The following SNX9 variants were observed in gnomAD, a reference collection of about 807,000 sequenced individuals.
The protein encoded by SNX9 is sorting nexin 9.
SNX9 carries 44 observed loss-of-function variants against 89.4 expected under a neutral mutation model. The ratio of observed to expected loss-of-function variants is 0.49; its 90% CI spans 0.39 to 0.63. SNX9 has a LOEUF of 0.63. Ranked by LOEUF, SNX9 falls within the 30% of genes least tolerant of loss-of-function variation. The pLI, the probability that SNX9 is intolerant of heterozygous loss-of-function variation, is 0.00. For missense variants in SNX9, 578 were observed against 736.1 expected (o/e 0.79, Z 2.49); for synonymous variants, 236 against 247.8 (o/e 0.95, Z 0.45).
intron 10 of SNX9, among the ~76,000 whole-genome samples, chr6:157,926,540 T>C (rs1783694715): frequency 6.6e-6 from 1 of 152,088 alleles, no homozygotes; most frequent in African/African-American, 2.4e-5. Flanking sequence ...CCAGAACTTT[T>C]GGAGGCTGAG....
chr6:157,916,076 C>T (rs975629062), intron 9 of SNX9, among the ~76,000 whole-genome samples: 4 of 151,464 alleles, frequency 2.6e-5, no homozygotes, highest in African/African-American at 4.8e-5. Context: ...GCTCTGTCGC[C>T]CAGGCTGGAG....
chr6:157,896,754 C>CA, intron 4 of SNX9, 73 bp from the exon 5 acceptor site: 1 of 1,499,034 alleles, frequency 6.7e-7, no homozygotes. Context: ...TCAATTGTGT[C>CA]AGTTCATTAT....
At chr6:157,884,086 C>G (rs1050218606) in intron 4 of SNX9, among the ~76,000 whole-genome samples, 4 of 152,210 alleles carry the variant, frequency 2.6e-5, no homozygotes, top group African/African-American at 9.6e-5. Flanking sequence ...ACACCGACCA[C>G]AGGCCTAGGA....
chr6:157,858,826 C>G (rs535318317), intron 1 of SNX9, among the ~76,000 whole-genome samples: 1 of 152,264 alleles, frequency 6.6e-6, no homozygotes, highest in Non-Finnish European at 1.5e-5. Flanking sequence ...CTTTATAAAA[C>G]CATCAGATCT....
At chr6:157,864,422 G>A (rs1485372205) in intron 1 of SNX9, among the ~76,000 whole-genome samples, 1 of 152,172 alleles carries the variant, frequency 6.6e-6, no homozygotes, top group African/African-American at 2.4e-5. Flanking sequence ...TAATATTTAA[G>A]TGTGTGAGGC....
At chr6:157,831,188 G>A (rs1297389641) in intron 1 of SNX9, among the ~76,000 whole-genome samples, 1 of 152,142 alleles carries the variant, frequency 6.6e-6, no homozygotes, top group Non-Finnish European at 1.5e-5. Flanking sequence ...CACTCATGGT[G>A]CTTTGTTTTC....
At chr6:157,934,423 GAAA>G (rs890692136) in intron 13 of SNX9, among the ~76,000 whole-genome samples, 13 of 151,690 alleles carry the variant, frequency 8.6e-5, no homozygotes, top group Admixed American at 2.6e-4. Context: ...AATCAAAATG[GAAA>G]AAAAATTTCT....
chr6:157,828,192 T>C (rs1190288387), intron 1 of SNX9, among the ~76,000 whole-genome samples: 1 of 143,304 alleles, frequency 7.0e-6, no homozygotes, highest in African/African-American at 2.8e-5. Context: ...AGTAGTATTT[T>C]CTATGTGTCT....
chr6:157,840,420 T>C (rs900931812), intron 1 of SNX9, among the ~76,000 whole-genome samples: 4 of 118,590 alleles, frequency 3.4e-5, no homozygotes, highest in African/African-American at 6.6e-5. Context: ...TCTTTCTTTC[T>C]TTTCTTTCTT....
At chr6:157,891,203 A>G (rs997407531) in intron 4 of SNX9, among the ~76,000 whole-genome samples, 3 of 151,328 alleles carry the variant, frequency 2.0e-5, no homozygotes, top group Admixed American at 2.0e-4. Flanking sequence ...GGCTTTTTGT[A>G]TTTTTAATAG....
chr6:157,893,255 C>G (rs1057192492), intron 4 of SNX9, among the ~76,000 whole-genome samples: 1 of 152,186 alleles, frequency 6.6e-6, no homozygotes, highest in African/African-American at 2.4e-5. Flanking sequence ...GAGTCCATCC[C>G]GAAGCCGAAT....
intron 10 of SNX9, 56 bp downstream of exon 10, chr6:157,921,717 C>T (rs916731240): frequency 9.7e-6 from 15 of 1,544,162 alleles, no homozygotes; most frequent in South Asian, 9.5e-5. Context: ...CTCATTCACA[C>T]CAAACTTATT....
At chr6:157,923,572 A>G (rs1783627525) in intron 10 of SNX9, among the ~76,000 whole-genome samples, 1 of 152,242 alleles carries the variant, frequency 6.6e-6, no homozygotes, top group Admixed American at 6.5e-5. Flanking sequence ...TAAATTTTCT[A>G]ATACTGCGTC....
At chr6:157,835,466 C>A (rs1781565098) in intron 1 of SNX9, among the ~76,000 whole-genome samples, 1 of 147,336 alleles carries the variant, frequency 6.8e-6, no homozygotes, top group South Asian at 2.1e-4. Flanking sequence ...AGGCTGGAGT[C>A]CAGTGGTGCA....
chr6:157,826,856 AAATATATATTATAGTTTATATAATATAT>A, intron 1 of SNX9, among the ~76,000 whole-genome samples: 2 of 114,870 alleles, frequency 1.7e-5, no homozygotes, highest in African/African-American at 8.5e-5. Context: ...TTTTATATAT[AAATATATATTATAGTTTATATAATATAT>A]AAATATATAT....
intron 1 of SNX9, among the ~76,000 whole-genome samples, chr6:157,842,726 G>A (rs1299633987): frequency 6.6e-6 from 1 of 152,164 alleles, no homozygotes; most frequent in Non-Finnish European, 1.5e-5. Flanking sequence ...CCAGGTTACT[G>A]GTCTGAGTCC....
intron 2 of SNX9, 42 bp from the exon 3 acceptor site, chr6:157,873,060 T>G: frequency 6.7e-7 from 1 of 1,503,606 alleles, no homozygotes. Flanking sequence ...AAATCTCAAC[T>G]GTAATCTTTT....
chr6:157,895,797 G>T (rs1428988964), intron 4 of SNX9, among the ~76,000 whole-genome samples: 5 of 152,110 alleles, frequency 3.3e-5, no homozygotes, highest in Non-Finnish European at 7.4e-5. Context: ...CCTGCACTAG[G>T]CCCCAGCAGA....
In SNX9 at chr6:157,927,200, G is replaced by C; in HGVS notation, c.1170G>C (p.Leu390Phe). 6.2e-7 allele frequency: 1 copy of C among 1,612,448 alleles called. No individual in the cohort carries two copies. Among genetic ancestry groups the C allele is most frequent in the South Asian group, 1.1e-5 (1 of 91,024 alleles). ...FSTMEPEAPD[L>F]DLVEIEQKCE... ...CCATGGAACCAGAGGCACCTGACTT[G>C]GACTTAGTAGAAATGTGAGAGACGC... Residue 390 changes from leucine to phenylalanine, a missense_variant, in exon 11 of 18, where the codon TTG becomes TTC. Physicochemically the swap from Leu to Phe is conservative, Grantham distance 22. Transcript: ENST00000392185.
Sources: gnomAD v4.1 joint callset for allele counts (sites outside exome capture counted in the v4.1 genomes callset) on GRCh38, gnomAD v4.1.1 for gene constraint, MANE v1.5 for transcripts, NCBI Gene and HGNC (gene_info 2026-07-23, HGNC 2026-07-21) for gene names.